Variants in MALRD1 observed in about 807,000 individuals in gnomAD.
MALRD1 encodes MAM and LDL receptor class A domain containing 1, also known as MAM and LDL-receptor class A domain-containing protein 1.
MALRD1 carries 247 observed loss-of-function variants against 242.1 expected under a neutral mutation model. The ratio of observed to expected loss-of-function variants is 1.02; its 90% CI spans 0.92 to 1.13. MALRD1 has a LOEUF of 1.13. MALRD1 is among the 50% of genes most tolerant of loss of function. The pLI, the probability that MALRD1 is intolerant of heterozygous loss-of-function variation, is 0.00. For missense variants in MALRD1, 2,989 were observed against 2,533.1 expected, an observed-to-expected ratio of 1.18 and a Z score of -3.86; for synonymous variants, 995 against 866.6, an observed-to-expected ratio of 1.15 and a Z score of -2.60.
At chr10:19,493,871 G>A (rs369294623) in intron 30 of MALRD1, among the ~76,000 whole-genome samples, 1 of 152,008 alleles carries the variant, frequency 6.6e-6, no homozygotes, top group South Asian at 2.1e-4. Flanking sequence ...TGAGTGTAAG[G>A]AATTAATTTC....
intron 26 of MALRD1, among the ~76,000 whole-genome samples, chr10:19,384,069 G>C (rs1845950644): frequency 6.6e-6 from 1 of 151,392 alleles, no homozygotes; most frequent in Non-Finnish European, 1.5e-5. Context: ...GTAAGAGAGA[G>C]CATGGTGTGA....
At chr10:19,543,608 A>C (rs1022215247) in intron 32 of MALRD1, among the ~76,000 whole-genome samples, 5 of 151,880 alleles carry the variant, frequency 3.3e-5, no homozygotes, top group African/African-American at 9.6e-5. Context: ...TTATCTCTTC[A>C]AACTGCTTGT....
chr10:19,265,997 A>C (rs1249086769), intron 19 of MALRD1, among the ~76,000 whole-genome samples: 1 of 151,788 alleles, frequency 6.6e-6, no homozygotes, highest in Non-Finnish European at 1.5e-5. Flanking sequence ...TTTTTTGCTT[A>C]AAGTATATTT....
chr10:19,206,801 A>G (rs1248949811), intron 17 of MALRD1, among the ~76,000 whole-genome samples: 1 of 152,232 alleles, frequency 6.6e-6, no homozygotes, highest in Non-Finnish European at 1.5e-5. Flanking sequence ...AGTCAGCACC[A>G]AGACAGACAA....
intron 14 of MALRD1, among the ~76,000 whole-genome samples, chr10:19,195,675 A>T (rs1179254788): frequency 1.3e-5 from 2 of 152,268 alleles, no homozygotes; most frequent in Non-Finnish European, 2.9e-5. Flanking sequence ...CTTTGTACTC[A>T]TCTTTAACTC....
intron 14 of MALRD1, among the ~76,000 whole-genome samples, chr10:19,191,907 A>C (rs891804943): frequency 6.6e-6 from 1 of 152,162 alleles, no homozygotes; most frequent in Non-Finnish European, 1.5e-5. Context: ...CTGAGGCAGG[A>C]GAATTGCTTG....
chr10:19,283,006 T>A lies in MALRD1; in HGVS notation c.3257-13T>A. 6.5e-7 allele frequency: 1 copy of A among 1,532,538 alleles called. No individual in the cohort carries two copies. The highest frequency in any genetic ancestry group is 8.8e-7 in the Non-Finnish European group (1 of 1,136,484). 94.9% of individuals were successfully genotyped at this position (1,532,538 alleles called of 1,614,324 possible). On this transcript the variant is annotated splice_polypyrimidine_tract_variant and intron_variant, in intron 20 of 39. Coordinates refer to ENST00000454679, the MANE Select transcript of MALRD1 (RefSeq NM_001142308.3). The stretch of plus-strand genomic sequence containing the variant: ...TTACTAGCTCACCTTTTCTTTGTTC[T>A]ACCCCATCCAAGTTATGGAAGTTTG...
intron 10 of MALRD1, 43 bp from the exon 11 acceptor site, chr10:19,146,155 C>G (rs986598349): frequency 3.3e-6 from 4 of 1,228,810 alleles, no homozygotes; most frequent in South Asian, 8.2e-5. Context: ...TGCCTGCATG[C>G]TCTTCATTTC....
intron 28 of MALRD1, among the ~76,000 whole-genome samples, chr10:19,448,025 T>C (rs1835099364): frequency 6.6e-6 from 1 of 152,186 alleles, no homozygotes; most frequent in Admixed American, 6.5e-5. Flanking sequence ...TGATGCATAG[T>C]TGTGCTCTCG....
upstream of MALRD1, among the ~76,000 whole-genome samples, chr10:19,048,314 G>C (rs1834390041): frequency 6.6e-6 from 1 of 152,064 alleles, no homozygotes; most frequent in African/African-American, 2.4e-5. Context: ...AAAATCTATG[G>C]TTCTTAATTT....
chr10:19,475,982 C>T (rs117972895), intron 29 of MALRD1, among the ~76,000 whole-genome samples: 2,388 of 152,220 alleles, frequency 0.016, 28 homozygotes, highest in Non-Finnish European at 0.026. Flanking sequence ...TTATTGTTGC[C>T]GCTCCTCTCC....
At chr10:19,085,155 C>T (rs1474441781) in intron 2 of MALRD1, among the ~76,000 whole-genome samples, 1 of 151,926 alleles carries the variant, frequency 6.6e-6, no homozygotes, top group Non-Finnish European at 1.5e-5. Flanking sequence ...GCAGTCTATT[C>T]TGGCTGGTTA....
intron 10 of MALRD1, among the ~76,000 whole-genome samples, chr10:19,145,459 C>T (rs981104135): frequency 9.2e-5 from 14 of 151,872 alleles, no homozygotes; most frequent in Non-Finnish European, 1.5e-4. Flanking sequence ...GCCTGGCCAA[C>T]GTAGTGAAAC....
chr10:19,118,995 A>G (rs1295877822), intron 5 of MALRD1, among the ~76,000 whole-genome samples: 2 of 152,216 alleles, frequency 1.3e-5, no homozygotes, highest in Non-Finnish European at 2.9e-5. Context: ...AGACAAATTA[A>G]GAAGTTACTA....
intron 18 of MALRD1, among the ~76,000 whole-genome samples, chr10:19,254,219 A>G (rs751360917): frequency 1.3e-5 from 2 of 152,062 alleles, no homozygotes; most frequent in East Asian, 3.9e-4. Flanking sequence ...TAAATGATAC[A>G]GGCTTTTGAG....
At chr10:19,116,431 C>T (rs1435256169) in intron 5 of MALRD1, among the ~76,000 whole-genome samples, 1 of 152,142 alleles carries the variant, frequency 6.6e-6, no homozygotes, top group Non-Finnish European at 1.5e-5. Flanking sequence ...ATTTTAGTAG[C>T]TTCCAGTTTT....
chr10:19,384,603 T>G (rs1292091268), intron 26 of MALRD1, among the ~76,000 whole-genome samples: 1 of 128,360 alleles, frequency 7.8e-6, no homozygotes, highest in Non-Finnish European at 1.6e-5. Flanking sequence ...ATATAATATA[T>G]AGTATATATA....
intron 28 of MALRD1, among the ~76,000 whole-genome samples, chr10:19,393,560 C>T (rs904364992): frequency 3.3e-5 from 5 of 151,152 alleles, no homozygotes; most frequent in African/African-American, 1.2e-4. Flanking sequence ...ATTCTCCTGC[C>T]TCAGCCTCCC....
At chr10:19,325,562 C>G (rs1843091267) in intron 22 of MALRD1, among the ~76,000 whole-genome samples, 1 of 152,020 alleles carries the variant, frequency 6.6e-6, no homozygotes, top group Non-Finnish European at 1.5e-5. Flanking sequence ...TGCGTAGACA[C>G]CTCAGTTATA....
Sources: gnomAD v4.1 joint callset for allele counts (sites outside exome capture counted in the v4.1 genomes callset) on GRCh38, gnomAD v4.1.1 for gene constraint, MANE v1.5 for transcripts, NCBI Gene and HGNC (gene_info 2026-07-23, HGNC 2026-07-21) for gene names.